FARP2: variants seen among roughly 807,000 people sequenced by gnomAD.
The protein encoded by FARP2 is FERM, ARH/RhoGEF and pleckstrin domain protein 2.
FARP2 carries 111 observed loss-of-function variants against 130.5 expected under a neutral mutation model. That is an observed-to-expected ratio of 0.85 (90% CI 0.73 to 1.00). FARP2 has a LOEUF of 1.00. FARP2 is among the 50% of genes least tolerant of loss of function. The pLI is 0.00. For missense variants in FARP2, 1,385 were observed against 1,346.3 expected (o/e 1.03, Z -0.45); for synonymous variants, 504 against 516.9 (o/e 0.98, Z 0.34).
At chr2:241,376,114 A>G (rs2061530395) in intron 2 of FARP2, among the ~76,000 whole-genome samples, 1 of 152,124 alleles carries the variant, frequency 6.6e-6, no homozygotes, top group African/African-American at 2.4e-5. Context: ...GGGTTGGGCA[A>G]CCTGGGATTG....
intron 18 of FARP2, 127 bp downstream of exon 18, chr2:241,468,504 CCA>C: frequency 1.4e-6 from 1 of 697,040 alleles, no homozygotes; most frequent in East Asian, 2.7e-5. Flanking sequence ...AGGGCCTGGA[CCA>C]CAGTGGTCAG....
intron 19 of FARP2, 47 bp from the exon 20 acceptor site, chr2:241,483,418 C>A: frequency 6.5e-7 from 1 of 1,542,952 alleles, no homozygotes; most frequent in Non-Finnish European, 9.0e-7. Context: ...GTGCATCCGC[C>A]AGCTGCCCTC....
intron 13 of FARP2, among the ~76,000 whole-genome samples, chr2:241,454,444 A>G (rs1178360576): frequency 6.6e-6 from 1 of 152,222 alleles, no homozygotes; most frequent in East Asian, 1.9e-4. Flanking sequence ...AGTAGCTTCT[A>G]GACTTTTTCC....
At chr2:241,471,568 A>G (rs1266857172) in intron 18 of FARP2, 4 of 134,790 alleles carry the variant, frequency 3.0e-5, no homozygotes, top group Non-Finnish European at 6.1e-5. Flanking sequence ...ATCTCGGCTC[A>G]CTGCAAGCTC....
chr2:241,480,832 T>C (rs991439532), intron 19 of FARP2, among the ~76,000 whole-genome samples: 1 of 152,172 alleles, frequency 6.6e-6, no homozygotes, highest in African/African-American at 2.4e-5. Context: ...TTGTGTATAG[T>C]GGAAGGTAGG....
intron 2 of FARP2, among the ~76,000 whole-genome samples, chr2:241,397,342 A>T (rs928906741): frequency 1.3e-5 from 2 of 152,182 alleles, no homozygotes; most frequent in African/African-American, 4.8e-5. Flanking sequence ...AATAATAATA[A>T]AAATAAATAA....
chr2:241,406,999 G>A lies in FARP2; in HGVS notation c.332-538G>A, dbSNP rs539159728. Among the ~76,000 whole-genome samples, 19 of 151,746 alleles carry A rather than the reference G, an allele frequency of 1.3e-4. No individual in the cohort carries two copies. The East Asian group carries it at 1.6e-3, about 12-fold the overall frequency. The stretch of plus-strand genomic sequence containing the variant: ...ATTTTTTTGTATTTTTAATAGAGAC[G>A]GGGTTTCACTGTGTTGGCCAGGATG... On this transcript the variant is annotated intron_variant, in intron 4 of 26. Transcript: ENST00000264042.
intron 2 of FARP2, among the ~76,000 whole-genome samples, chr2:241,401,808 G>A (rs2062173358): frequency 1.7e-5 from 1 of 59,066 alleles, no homozygotes; most frequent in African/African-American, 5.6e-5. Flanking sequence ...TTTTGAGACG[G>A]AGTTTCGCTC....
intron 20 of FARP2, 142 bp from the exon 21 acceptor site, chr2:241,484,100 T>G (rs1283142746): frequency 1.2e-5 from 17 of 1,445,630 alleles, no homozygotes; most frequent in Non-Finnish European, 1.6e-5. Context: ...AATGAATGAA[T>G]AAAAGTCCCC....
rs145651106 is a variant in FARP2, at chr2:241,413,302, C to T, written c.509-5C>T. Reference sequence around the variant, plus strand: ...AATTAGTTACTTACTTTTAACCTATCTCAGCGGAAATAGGAGATTACGATG... The same window carrying T: ...AATTAGTTACTTACTTTTAACCTATTTCAGCGGAAATAGGAGATTACGATG... On this transcript the variant is annotated splice_region_variant and splice_polypyrimidine_tract_variant and intron_variant, in intron 6 of 26. Transcript: ENST00000264042. 5 of 1,575,768 alleles carry T rather than the reference C, an allele frequency of 3.2e-6. No homozygotes were observed. In the East Asian group the frequency reaches 1.1e-4, roughly 35 times the overall value.
intron 13 of FARP2, chr2:241,443,022 T>C (rs1264750315): frequency 1.5e-5 from 3 of 206,042 alleles, no homozygotes; most frequent in South Asian, 7.4e-5. Flanking sequence ...TCTACAGCCC[T>C]AACCCTGGGA....
intron 1 of FARP2, among the ~76,000 whole-genome samples, chr2:241,361,622 C>T (rs73002144): frequency 0.018 from 2,745 of 152,168 alleles, 44 homozygotes; most frequent in Non-Finnish European, 0.027. Flanking sequence ...GGGCCTTTCT[C>T]GGGACCTTGG....
intron 2 of FARP2, among the ~76,000 whole-genome samples, chr2:241,378,196 G>T (rs2061581490): frequency 6.6e-6 from 1 of 151,630 alleles, no homozygotes; most frequent in Non-Finnish European, 1.5e-5. Flanking sequence ...CTGCCTCCTG[G>T]GCTCAAACAA....
chr2:241,420,694 C>G (rs2062784270), intron 8 of FARP2, among the ~76,000 whole-genome samples: 1 of 152,210 alleles, frequency 6.6e-6, no homozygotes, highest in African/African-American at 2.4e-5. Flanking sequence ...TCATCAGCCT[C>G]TTTGTCCTGC....
intron 18 of FARP2, among the ~76,000 whole-genome samples, chr2:241,472,806 A>G (rs1446771104): frequency 6.7e-6 from 1 of 148,612 alleles, no homozygotes; most frequent in African/African-American, 2.5e-5. Flanking sequence ...TTCTGAGGGC[A>G]CCCTGTTCTG....
At chr2:241,377,333 CTTTTTTT>C (rs1258121395) in intron 2 of FARP2, among the ~76,000 whole-genome samples, 1 of 129,722 alleles carries the variant, frequency 7.7e-6, no homozygotes, top group Non-Finnish European at 1.6e-5. Flanking sequence ...TTGTTGGTTT[CTTTTTTT>C]TTTTTTTTTT....
chr2:241,368,606 A>G (rs1362114526), intron 1 of FARP2, among the ~76,000 whole-genome samples: 1 of 152,076 alleles, frequency 6.6e-6, no homozygotes, highest in African/African-American at 2.4e-5. Context: ...AGTCACAACA[A>G]TGGGGTTACC....
At chr2:241,357,896 A>C (rs1291823028) in intron 1 of FARP2, among the ~76,000 whole-genome samples, 3 of 152,224 alleles carry the variant, frequency 2.0e-5, no homozygotes, top group Admixed American at 2.0e-4. Flanking sequence ...TATTCAAAAA[A>C]TGAGTTTAAA....
At chr2:241,474,724 G>T (rs894275311) in intron 18 of FARP2, among the ~76,000 whole-genome samples, 2 of 150,392 alleles carry the variant, frequency 1.3e-5, no homozygotes, top group African/African-American at 2.5e-5. Context: ...CTTGAGAGGC[G>T]GAGGTTTCAG....
Sources: gnomAD v4.1 joint callset for allele counts (sites outside exome capture counted in the v4.1 genomes callset) on GRCh38, gnomAD v4.1.1 for gene constraint, MANE v1.5 for transcripts, NCBI Gene and HGNC (gene_info 2026-07-23, HGNC 2026-07-21) for gene names.